Variants in XIST observed in about 807,000 individuals in gnomAD.
XIST encodes the protein X inactive specific transcript (non-protein coding).
At chrX:73,847,587 C>A (rs1922808273) in exon 1 of XIST, 2 of 514,321 alleles carry the variant, frequency 3.9e-6, no homozygotes, top group South Asian at 4.9e-5. Context: ...TTCTATGATG[C>A]TGAGAAGTCA....
At chrX:73,824,039 C>T (rs904673996) in exon 6 of XIST, 1 of 554,311 alleles carries the variant, frequency 1.8e-6, no homozygotes, top group South Asian at 2.3e-5. Context: ...AATGTTTGTG[C>T]CCCCAGTTGT....
At chrX:73,837,292 T>C (rs1465515722) in intron 2 of XIST, 2 of 347,268 alleles carry the variant, frequency 5.8e-6, no homozygotes, top group Non-Finnish European at 1.0e-5. Flanking sequence ...CTTTGTGGTC[T>C]TCCTCCTAAA....
chrX:73,844,803 C>T (rs984656470), exon 1 of XIST: 5 of 554,431 alleles, frequency 9.0e-6, no homozygotes, highest in East Asian at 3.3e-5. Flanking sequence ...TGAGATAGGC[C>T]GTGTGCAGTT....
exon 1 of XIST, chrX:73,852,696 C>G (rs762707041): frequency 3.6e-5 from 16 of 444,211 alleles, no homozygotes; most frequent in Non-Finnish European, 5.8e-5. Context: ...GCTTCCAGCC[C>G]CGAGAGAGTA....
At chrX:73,841,621 T>A in exon 1 of XIST, 1 of 558,500 alleles carries the variant, frequency 1.8e-6, no homozygotes, top group African/African-American at 2.2e-5. Context: ...TCATTTCCAC[T>A]AGGCAGCTAT....
chrX:73,824,980 C>CCATT (rs370948433), exon 6 of XIST: 11 of 517,622 alleles, frequency 2.1e-5, no homozygotes, highest in African/African-American at 4.6e-5. Context: ...ATTCATTCAT[C>CCATT]CATTCATTCA....
exon 1 of XIST, chrX:73,851,485 G>A: frequency 1.8e-6 from 1 of 559,011 alleles, no homozygotes; most frequent in Non-Finnish European, 3.2e-6. Context: ...CGACAGAACT[G>A]GATCCGCCAT....
rs769914941 is a variant in XIST at position 73,822,374 on chromosome X, G to GT, written n.17526_17527insA. Reference sequence around the variant, plus strand: ...CAATGTTATTTAGGGACTAAGCCATGCCCCTAACAAGAAAACAAGCCAAAA... The same window carrying GT: ...CAATGTTATTTAGGGACTAAGCCATGTCCCCTAACAAGAAAACAAGCCAAAA... On this transcript the variant is annotated non_coding_transcript_exon_variant, in exon 6 of 6. Coordinates refer to ENST00000429829, the Ensembl canonical transcript of XIST. 207 of 530,522 alleles carry GT rather than the reference G, an allele frequency of 3.9e-4. 2 individuals carry two copies. In the South Asian group the frequency reaches 4.9e-3, roughly 12 times the overall value. The allele number at this position is 530,522 out of a possible 1,213,427, so 43.7% of individuals were successfully genotyped here.
At chrX:73,826,186 C>G (rs760201408) in exon 6 of XIST, 2 of 557,766 alleles carry the variant, frequency 3.6e-6, no homozygotes, top group East Asian at 6.5e-5. Context: ...TATTTCTTGT[C>G]TAATTCTTCT....
exon 1 of XIST, chrX:73,850,127 A>T (rs757511378): frequency 2.1e-5 from 12 of 558,703 alleles, no homozygotes; most frequent in Admixed American, 1.8e-4. Flanking sequence ...AAACCTTCAA[A>T]CACTCTTTTT....
At chrX:73,843,303 C>T (rs771179453) in exon 1 of XIST, 1 of 558,553 alleles carries the variant, frequency 1.8e-6, no homozygotes, top group East Asian at 3.2e-5. Flanking sequence ...TGGGTCAGTA[C>T]CCCCGATGTA....
chrX:73,835,608 T>C (rs66660863), intron 2 of XIST, among the ~76,000 whole-genome samples: 4,839 of 112,305 alleles, frequency 0.043, 97 homozygotes, highest in Middle Eastern at 0.06. Flanking sequence ...TCCAGGTTTG[T>C]TCATACACTT....
exon 1 of XIST, chrX:73,842,342 A>G: frequency 1.8e-6 from 1 of 554,305 alleles, no homozygotes. Flanking sequence ...ACAATTTTAT[A>G]GTGTACACTG....
chrX:73,836,712 T>G (rs1177089470), intron 2 of XIST, among the ~76,000 whole-genome samples: 3 of 111,585 alleles, frequency 2.7e-5, no homozygotes, highest in Non-Finnish European at 5.6e-5. Flanking sequence ...TGATTTCTAA[T>G]ATTACTCTCC....
chrX:73,848,772 G>T (rs1461944637), exon 1 of XIST: 1 of 556,692 alleles, frequency 1.8e-6, no homozygotes, highest in Non-Finnish European at 3.2e-6. Context: ...AGGAAACTTG[G>T]GTAGTCAGAA....
exon 1 of XIST, chrX:73,844,350 G>A: frequency 1.8e-6 from 1 of 558,357 alleles, no homozygotes; most frequent in Non-Finnish European, 3.2e-6. Flanking sequence ...AAAAAGTAGT[G>A]GGTACTCCTT....
intron 1 of XIST, among the ~76,000 whole-genome samples, chrX:73,840,808 G>A (rs919112629): frequency 1.8e-5 from 2 of 111,348 alleles, no homozygotes; most frequent in Non-Finnish European, 3.8e-5. Context: ...CAAACACAAT[G>A]GCTATGCTCT....
exon 1 of XIST, chrX:73,842,121 A>C (rs1334822552): frequency 1.9e-6 from 1 of 529,770 alleles, no homozygotes. Flanking sequence ...CTTCAAAAAA[A>C]TAATGACCAG....
exon 6 of XIST, chrX:73,827,546 G>C (rs1264995342): frequency 1.9e-6 from 1 of 539,802 alleles, no homozygotes; most frequent in Admixed American, 2.4e-5. Flanking sequence ...ATGCAGAAAT[G>C]AGAAATGTGA....
Sources: gnomAD v4.1 joint callset for allele counts (sites outside exome capture counted in the v4.1 genomes callset) on GRCh38, gnomAD v4.1.1 for gene constraint, MANE v1.5 for transcripts, NCBI Gene and HGNC (gene_info 2026-07-23, HGNC 2026-07-21) for gene names.